The following PCDH17 variants were observed in gnomAD, a reference collection of about 807,000 sequenced individuals.
PCDH17 encodes protocadherin-17.
In PCDH17, 21 loss-of-function variants were observed where a neutral mutation model predicts 67.7. The observed-to-expected ratio is 0.31, with a 90% CI of 0.22 to 0.45. The LOEUF is 0.45. Ranked by LOEUF, PCDH17 falls within the 20% of genes least tolerant of loss-of-function variation. The pLI, the probability that PCDH17 is intolerant of heterozygous loss-of-function variation, is 1.00. For missense variants in PCDH17, 1,471 were observed against 1,564.8 expected (o/e 0.94, Z 1.01); for synonymous variants, 701 against 656.7 (o/e 1.07, Z -1.03).
chr13:57,644,330 G>A (rs966802841), intron 1 of PCDH17, among the ~76,000 whole-genome samples: 4 of 151,618 alleles, frequency 2.6e-5, no homozygotes, highest in African/African-American at 9.7e-5. Flanking sequence ...AACAAATGAA[G>A]CACTATGCCT....
intron 3 of PCDH17, among the ~76,000 whole-genome samples, chr13:57,669,236 T>A (rs1053121295): frequency 6.6e-6 from 1 of 152,124 alleles, no homozygotes; most frequent in Non-Finnish European, 1.5e-5. Flanking sequence ...TTAATAAATA[T>A]CTAGTAAGTG....
chr13:57,654,869 T>C (rs1350971113), intron 1 of PCDH17, among the ~76,000 whole-genome samples: 1 of 151,980 alleles, frequency 6.6e-6, no homozygotes, highest in Non-Finnish European at 1.5e-5. Flanking sequence ...TTAATAATTA[T>C]TTTTTTCCTC....
At chr13:57,695,477 G>A (rs1955598243) in intron 3 of PCDH17, among the ~76,000 whole-genome samples, 2 of 151,092 alleles carry the variant, frequency 1.3e-5, no homozygotes, top group Admixed American at 6.6e-5. Flanking sequence ...AGAAAGGAAA[G>A]ACAGAATGGT....
intron 3 of PCDH17, among the ~76,000 whole-genome samples, chr13:57,703,078 G>C (rs1272003007): frequency 6.6e-6 from 1 of 152,096 alleles, no homozygotes; most frequent in African/African-American, 2.4e-5. Context: ...GGAGTTAACT[G>C]GCTTCTGTAA....
At chr13:57,685,254 G>T (rs1176799454) in intron 3 of PCDH17, among the ~76,000 whole-genome samples, 1 of 151,856 alleles carries the variant, frequency 6.6e-6, no homozygotes, top group Non-Finnish European at 1.5e-5. Context: ...TTGTCTTTAT[G>T]CTCTTAATAT....
intron 3 of PCDH17, among the ~76,000 whole-genome samples, chr13:57,675,622 G>T (rs1313059123): frequency 6.6e-6 from 1 of 151,944 alleles, no homozygotes; most frequent in African/African-American, 2.4e-5. Flanking sequence ...AGAGGAGGGA[G>T]GATGACAGGA....
chr13:57,709,443 T>C (rs542053366), intron 3 of PCDH17, among the ~76,000 whole-genome samples: 1 of 151,912 alleles, frequency 6.6e-6, no homozygotes, highest in Admixed American at 6.6e-5. Flanking sequence ...TGCACTGTTT[T>C]CATCTCATCT....
intron 1 of PCDH17, among the ~76,000 whole-genome samples, chr13:57,640,611 C>T (rs2806705): frequency 0.24 from 36,219 of 151,874 alleles, 5,848 homozygotes; most frequent in African/African-American, 0.47. Context: ...GACCCTAGAG[C>T]GGGGGGACTT....
chr13:57,649,306 G>C (rs543256003), intron 1 of PCDH17, among the ~76,000 whole-genome samples: 8 of 152,092 alleles, frequency 5.3e-5, no homozygotes, highest in Admixed American at 3.9e-4. Flanking sequence ...ATGGAAAAAG[G>C]AGAATCCGTC....
chr13:57,670,221 G>C (rs980027705), intron 3 of PCDH17, among the ~76,000 whole-genome samples: 3 of 151,846 alleles, frequency 2.0e-5, no homozygotes, highest in Non-Finnish European at 1.5e-5. Context: ...CTTGATCAAT[G>C]TATTTATTTA....
chr13:57,685,265 G>A (rs1015088462), intron 3 of PCDH17, among the ~76,000 whole-genome samples: 1 of 151,832 alleles, frequency 6.6e-6, no homozygotes, highest in Non-Finnish European at 1.5e-5. Flanking sequence ...CTCTTAATAT[G>A]TAATACCTAT....
Position 57,725,640 on chromosome 13 carries a change from A to G in PCDH17, c.*346A>G, listed in dbSNP as rs1955910946. 2 of 212,188 alleles carry G rather than the reference A, an allele frequency of 9.4e-6. No homozygotes were observed. Among genetic ancestry groups the G allele is most frequent in the Admixed American group, 5.2e-5 (1 of 19,200 alleles). 13.1% of individuals were successfully genotyped at this position (212,188 alleles called of 1,614,324 possible). ...GGAAGGTATGCAGTGTGAGAACTGA[A>G]GTATTTCTGATCACTCTCAGACTGT... On this transcript the variant is annotated 3_prime_UTR_variant, in exon 4 of 4. Transcript: ENST00000377918.
chr13:57,682,660 T>A (rs1397835621), intron 3 of PCDH17, among the ~76,000 whole-genome samples: 4 of 151,804 alleles, frequency 2.6e-5, no homozygotes, highest in Non-Finnish European at 4.4e-5. Context: ...CCACCAGTAG[T>A]CTGCAGGCTT....
At position 57,633,184 on chromosome 13, in the gene PCDH17, TG is replaced by T; in HGVS notation, c.639del (p.Thr214LeufsTer18). The T allele has an allele frequency of 6.2e-7, 1 of 1,613,258 alleles. No homozygotes were observed. The highest frequency in any genetic ancestry group is 8.5e-7 in the Non-Finnish European group (1 of 1,180,000). ...CAACAGAATCACCATACGCTCGTGC[TG>T]ACTGCCCTGGACGGTGGCGAGCCTC... is the stretch of plus-strand genomic sequence containing the variant. ...REQQNHHTLV[L>X]TALDGGEPPR... On this transcript the variant is annotated frameshift_variant, in exon 1 of 4. Coordinates refer to ENST00000377918, the MANE Select transcript of PCDH17 (RefSeq NM_001040429.3). LOFTEE classifies it high-confidence loss of function. This position sits in a 1 kb window ranked among gnomAD's most constrained non-coding sequence, Gnocchi z 6.2.
At position 57,633,234 on chromosome 13, in the gene PCDH17, A is replaced by C. The variant is rs1449211034; in HGVS notation, c.688A>C (p.Asn230His). The change falls in exon 1 of 4, where the codon AAC (asparagine) becomes CAC (histidine). Residue 230 changes from asparagine to histidine, a missense_variant. This residue lies in a region of PCDH17 where 1,163 missense variants were observed against 1,230.0 expected (regional missense o/e 0.95). Transcript: ENST00000377918. This position sits in a 1 kb window ranked among gnomAD's most constrained non-coding sequence, Gnocchi z 6.2. Reference sequence around the variant, plus strand: ...TCCACGTTCCGCCACCGTACAGATCAACGTGAAGGTGATTGACTCCAACGA... The same window carrying C: ...TCCACGTTCCGCCACCGTACAGATCCACGTGAAGGTGATTGACTCCAACGA... ...EPPRSATVQI[N>H]VKVIDSNDNS... The C allele has an allele frequency of 6.2e-7, 1 of 1,613,152 alleles. No homozygotes were observed. Among genetic ancestry groups the C allele is most frequent in the Non-Finnish European group, 8.5e-7 (1 of 1,180,012 alleles).
At chr13:57,719,836 T>C (rs146606304) in intron 3 of PCDH17, among the ~76,000 whole-genome samples, 91 of 152,124 alleles carry the variant, frequency 6.0e-4, no homozygotes, top group Non-Finnish European at 1.1e-3. Flanking sequence ...ACAATAACTA[T>C]GTTCAACTGA....
intron 3 of PCDH17, among the ~76,000 whole-genome samples, chr13:57,716,491 C>A (rs1218367313): frequency 6.6e-6 from 1 of 151,868 alleles, no homozygotes; most frequent in Non-Finnish European, 1.5e-5. Flanking sequence ...ACCTGGAGCG[C>A]CCTCTCTCTG....
intron 3 of PCDH17, among the ~76,000 whole-genome samples, chr13:57,683,724 C>T (rs927541767): frequency 4.0e-5 from 6 of 151,776 alleles, no homozygotes; most frequent in Non-Finnish European, 7.4e-5. Flanking sequence ...AACCGCCTTT[C>T]CTATTACTGT....
At position 57,634,680 on chromosome 13, in the gene PCDH17, C is replaced by T; in HGVS notation, c.2134C>T (p.Leu712=). Reference sequence around the variant, plus strand: ...CATGTCGCTGCCGCTCATCGTGACTCTGAGCACTATCTCCATCATCCTCCT... The same window carrying T: ...CATGTCGCTGCCGCTCATCGTGACTTTGAGCACTATCTCCATCATCCTCCT... ...WDMSLPLIVT[L]STISIILLAA... Residue 712 remains leucine (L), a synonymous_variant, in exon 1 of 4, where the codon CTG becomes TTG. Transcript: ENST00000377918. This position sits in a 1 kb window ranked among gnomAD's most constrained non-coding sequence, Gnocchi z 7.8. The T allele has an allele frequency of 1.2e-6, 2 of 1,613,756 alleles. No homozygotes were observed. Among genetic ancestry groups the T allele is most frequent in the Non-Finnish European group, 1.7e-6 (2 of 1,180,008 alleles).
Sources: gnomAD v4.1 joint callset for allele counts (sites outside exome capture counted in the v4.1 genomes callset) on GRCh38, gnomAD v4.1.1 for gene constraint, gnomAD v4.1.1 regional missense constraint, Gnocchi (gnomAD v3.1) non-coding constraint, MANE v1.5 for transcripts, NCBI Gene and HGNC (gene_info 2026-07-23, HGNC 2026-07-21) for gene names.